The following HIVEP1 variants were observed in gnomAD, a reference collection of about 807,000 sequenced individuals.
The protein encoded by HIVEP1 is HIVEP zinc finger 1, also known as zinc finger protein 40.
HIVEP1 carries 36 observed loss-of-function variants against 180.0 expected under a neutral mutation model. The ratio of observed to expected loss-of-function variants is 0.20; its 90% CI spans 0.15 to 0.26. HIVEP1 has a LOEUF of 0.26. HIVEP1 is among the 10% of genes least tolerant of loss of function. HIVEP1 has a pLI of 1.00. For missense variants in HIVEP1, 3,143 were observed against 3,268.7 expected (o/e 0.96, Z 0.94); for synonymous variants, 1,239 against 1,239.0 (o/e 1.00, Z 0.00).
chr6:12,054,530 GCAT>G (rs1770739368), intron 2 of HIVEP1, among the ~76,000 whole-genome samples: 1 of 151,972 alleles, frequency 6.6e-6, no homozygotes, highest in Non-Finnish European at 1.5e-5. Context: ...AGCACAGTTG[GCAT>G]CATACAGTAT....
Position 12,124,459 on chromosome 6 carries a change from G to A in HIVEP1, c.4664G>A (p.Cys1555Tyr). The A allele has an allele frequency of 6.2e-7, 1 of 1,614,150 alleles. No homozygotes were observed. The highest frequency in any genetic ancestry group is 8.5e-7 in the Non-Finnish European group (1 of 1,180,026). Residue 1555 changes from cysteine (C) to tyrosine (Y), a missense_variant, in exon 4 of 9, where the codon TGC becomes TAC. This residue lies in a region of HIVEP1 where 1,357 missense variants were observed against 1,260.5 expected (regional missense o/e 1.08). Transcript: ENST00000379388. ...VLSGSSKSED[C>Y]FAPKYQLHCQ... The stretch of plus-strand genomic sequence containing the variant: ...TCTGGGTCTTCTAAAAGTGAGGATT[G>A]CTTTGCTCCCAAATACCAATTGCAT...
Position 12,015,981 on chromosome 6 carries a change from T to A in HIVEP1, c.40+313T>A, listed in dbSNP as rs371752450. The stretch of plus-strand genomic sequence containing the variant: ...TTTGGGTCAAGGAATCTGAAAGTAA[T>A]GGTTAAATATTCTTTGCCAACTGGA... On this transcript the variant is annotated intron_variant, in intron 2 of 8. Transcript: ENST00000379388. Among the ~76,000 whole-genome samples, 15 of 152,304 alleles carry A rather than the reference T, an allele frequency of 9.8e-5. No individual in the cohort carries two copies. The South Asian group carries it at 1.5e-3, about 15-fold the overall frequency.
downstream of HIVEP1, among the ~76,000 whole-genome samples, chr6:12,166,847 G>C (rs563564915): frequency 6.6e-6 from 1 of 152,266 alleles, no homozygotes; most frequent in South Asian, 2.1e-4. Context: ...CAAAACAGGT[G>C]AAAGTTTTAA....
intron 7 of HIVEP1, among the ~76,000 whole-genome samples, chr6:12,146,881 G>T (rs1581782656): frequency 6.6e-6 from 1 of 152,068 alleles, no homozygotes; most frequent in East Asian, 1.9e-4. Context: ...CCCAAATTTG[G>T]CAAGGTTCAC....
Position 12,125,483 on chromosome 6 carries a change from G to T in HIVEP1, c.5688G>T (p.Lys1896Asn). The change falls in exon 4 of 9, where the codon AAG (lysine) becomes AAT (asparagine). Residue 1896 changes from lysine (K) to asparagine (N), a missense_variant. Around this residue, in one of 12 missense-constraint regions of HIVEP1, gnomAD observed 1,357 missense variants for 1,260.5 expected, o/e 1.08. Transcript: ENST00000379388. ...GTACAGACAATAACCAAGAAAGGAA[G>T]TCTCCAGGGGTTAAAAATCAAGGTG... Reference protein sequence around the residue: ...LKCTDNNQERKSPGVKNQGDK... With the variant: ...LKCTDNNQERNSPGVKNQGDK... 1 of 1,614,004 alleles carries T rather than the reference G, an allele frequency of 6.2e-7. No individual in the cohort carries two copies. The highest frequency in any genetic ancestry group is 8.5e-7 in the Non-Finnish European group (1 of 1,179,988).
At chr6:12,166,771 G>A (rs905353741), downstream of HIVEP1, among the ~76,000 whole-genome samples, 9 of 152,294 alleles carry the variant, frequency 5.9e-5, no homozygotes, top group South Asian at 1.4e-3. Flanking sequence ...CTGTTGCACT[G>A]TCGTGTGTGG....
chr6:12,032,426 G>A (rs1213528838), intron 2 of HIVEP1, among the ~76,000 whole-genome samples: 2 of 152,116 alleles, frequency 1.3e-5, no homozygotes, highest in Non-Finnish European at 1.5e-5. Flanking sequence ...ACAGGCGTGA[G>A]CCACCGCGCC....
In HIVEP1 at chr6:12,164,221, C is replaced by T; in HGVS notation, c.7917C>T (p.Ala2639=). The change falls in exon 9 of 9, where the codon GCC becomes GCT. Residue 2639 remains alanine, a synonymous_variant. Coordinates refer to ENST00000379388, the MANE Select transcript of HIVEP1 (RefSeq NM_002114.4). Reference sequence around the variant, plus strand: ...GTAAAATGGACACAGAGAAGGCTGCCTCGGCAAATCACGTGAAGCCCAAGC... The same window carrying T: ...GTAAAATGGACACAGAGAAGGCTGCTTCGGCAAATCACGTGAAGCCCAAGC... The part of the protein sequence containing the change: ...GLSKMDTEKA[A]SANHVKPKPE... 6.2e-7 allele frequency: 1 copy of T among 1,614,160 alleles called. No homozygotes were observed. Among genetic ancestry groups the T allele is most frequent in the Non-Finnish European group, 8.5e-7 (1 of 1,180,032 alleles).
intron 7 of HIVEP1, among the ~76,000 whole-genome samples, chr6:12,155,194 A>G (rs1759958063): frequency 1.3e-5 from 2 of 152,206 alleles, no homozygotes; most frequent in South Asian, 4.1e-4. Context: ...CCAGTTGAAA[A>G]TATTTGACAT....
chr6:12,163,639 C>A lies in HIVEP1; in HGVS notation c.7335C>A (p.Val2445=). ...CTTTGGGTACTCATAGGAATACGGTCACAGAAGTGTCTGGCACTACAAACC... is the reference window on the plus strand; with the variant it reads ...CTTTGGGTACTCATAGGAATACGGTAACAGAAGTGTCTGGCACTACAAACC... The part of the protein sequence containing the change: ...HRTLGTHRNT[V]TEVSGTTNPA... The change falls in exon 9 of 9, where the codon GTC becomes GTA. Residue 2445 remains valine, a synonymous_variant. Coordinates refer to ENST00000379388, the MANE Select transcript of HIVEP1 (RefSeq NM_002114.4). 1 of 1,614,124 alleles carries A rather than the reference C, an allele frequency of 6.2e-7. No homozygotes were observed. Among genetic ancestry groups the A allele is most frequent in the South Asian group, 1.1e-5 (1 of 91,070 alleles).
At chr6:12,009,742 T>C (rs371279954), upstream of HIVEP1, among the ~76,000 whole-genome samples, 17 of 152,388 alleles carry the variant, frequency 1.1e-4, no homozygotes, top group East Asian at 1.3e-3. Context: ...AAACTGCATT[T>C]AGAAAATTCA....
chr6:12,092,597 T>C (rs1298691143), intron 3 of HIVEP1, among the ~76,000 whole-genome samples: 1 of 152,194 alleles, frequency 6.6e-6, no homozygotes, highest in East Asian at 1.9e-4. Flanking sequence ...TATATTGTTT[T>C]CCAGAGTTTT....
At chr6:12,095,827 T>G (rs1014728269) in intron 3 of HIVEP1, among the ~76,000 whole-genome samples, 1 of 152,028 alleles carries the variant, frequency 6.6e-6, no homozygotes, top group African/African-American at 2.4e-5. Flanking sequence ...ACTGTGCTAT[T>G]CTGATATTAT....
At position 12,164,504 on chromosome 6, in the gene HIVEP1, A is replaced by C. The variant is rs766185501; in HGVS notation, c.*43A>C. On this transcript the variant is annotated 3_prime_UTR_variant, in exon 9 of 9. Coordinates refer to ENST00000379388, the MANE Select transcript of HIVEP1 (RefSeq NM_002114.4). Reference sequence around the variant, plus strand: ...TTGCTTTTTTTTTATATAACACTTAAAGGTTTCTTTGAAAACCCTCCTTTC... The same window carrying C: ...TTGCTTTTTTTTTATATAACACTTACAGGTTTCTTTGAAAACCCTCCTTTC... 6.9e-7 allele frequency: 1 copy of C among 1,449,570 alleles called. No homozygotes were observed. Among genetic ancestry groups the C allele is most frequent in the East Asian group, 2.3e-5 (1 of 43,092 alleles). The allele number at this position is 1,449,570 out of a possible 1,614,324, so 89.8% of individuals were successfully genotyped here.
intron 2 of HIVEP1, among the ~76,000 whole-genome samples, chr6:12,024,881 T>C (rs190560381): frequency 7.6e-4 from 116 of 152,304 alleles, no homozygotes; most frequent in African/African-American, 2.7e-3. Context: ...GGATGGACCT[T>C]GGAGGTCATT....
At chr6:12,146,383 C>T (rs1364321300) in intron 7 of HIVEP1, among the ~76,000 whole-genome samples, 1 of 152,160 alleles carries the variant, frequency 6.6e-6, no homozygotes, top group Non-Finnish European at 1.5e-5. Flanking sequence ...GCGGAGATTG[C>T]GGTGAGCCGA....
chr6:12,110,865 A>T (rs1345409384), intron 3 of HIVEP1, among the ~76,000 whole-genome samples: 2 of 152,238 alleles, frequency 1.3e-5, no homozygotes, highest in African/African-American at 4.8e-5. Context: ...CAGTAAGCTT[A>T]ATCATTTCTA....
chr6:12,145,515 T>TAAAAA (rs202193525), intron 7 of HIVEP1, among the ~76,000 whole-genome samples: 1 of 103,742 alleles, frequency 9.6e-6, no homozygotes, highest in South Asian at 2.7e-4. Flanking sequence ...ACTTAAAGTA[T>TAAAAA]AAAAAAAAAA....
chr6:12,188,013 C>T, the HIVEP1 span, among the ~76,000 whole-genome samples: 10 of 152,134 alleles, frequency 6.6e-5, no homozygotes, highest in African/African-American at 2.4e-4. Flanking sequence ...GGACTAGCAT[C>T]TTTAAAGAGT....
Sources: allele counts gnomAD v4.1 joint callset (sites outside exome capture counted in the v4.1 genomes callset), GRCh38; gene constraint gnomAD v4.1.1; regional missense constraint gnomAD v4.1.1; transcripts MANE v1.5; gene names NCBI Gene and HGNC (gene_info 2026-07-23, HGNC 2026-07-21).